CELSR1: variants seen among roughly 807,000 people sequenced by gnomAD.
CELSR1 encodes the protein cadherin EGF LAG seven-pass G-type receptor 1.
In CELSR1, 110 loss-of-function variants were observed where a neutral mutation model predicts 249.1. The ratio of observed to expected loss-of-function variants is 0.44; its 90% CI spans 0.38 to 0.52. The LOEUF (loss-of-function observed/expected upper bound fraction) is 0.52. Ranked by LOEUF, CELSR1 falls within the 20% of genes least tolerant of loss-of-function variation. The pLI, the probability that CELSR1 is intolerant of heterozygous loss-of-function variation, is 0.00. For missense variants in CELSR1, 4,109 were observed against 4,296.4 expected (o/e 0.96, Z 1.22); for synonymous variants, 2,113 against 1,900.0 (o/e 1.11, Z -2.92).
At chr22:46,452,220 G>A (rs1286838284) in intron 2 of CELSR1, among the ~76,000 whole-genome samples, 1 of 152,102 alleles carries the variant, frequency 6.6e-6, no homozygotes, top group Admixed American at 6.5e-5. Context: ...CCTCTTCCAG[G>A]GTCAATCTCC....
chr22:46,393,777 G>C lies in CELSR1; in HGVS notation c.5964+365C>G, dbSNP rs1291450350. On this transcript the variant is annotated intron_variant, in intron 14 of 34. Coordinates refer to ENST00000674500, the MANE Select transcript of CELSR1 (RefSeq NM_001378328.1). This position sits in a 1 kb window ranked among gnomAD's most constrained non-coding sequence, Gnocchi z 4.1. ...AAAGACCAGGAAAATGGCCAACCAG[G>C]AGGCCAGGAGGGCCGGGGTGGTGCC... Among the ~76,000 whole-genome samples the C allele has an allele frequency of 6.6e-6, 1 of 152,080 alleles. No individual in the cohort carries two copies. The highest frequency in any genetic ancestry group is 2.4e-5 in the African/African-American group (1 of 41,416).
intron 2 of CELSR1, among the ~76,000 whole-genome samples, chr22:46,451,865 C>A (rs553390179): frequency 1.3e-5 from 2 of 152,296 alleles, no homozygotes; most frequent in African/African-American, 4.8e-5. Flanking sequence ...ATCCGATTAG[C>A]AGGTGGGCTC....
intron 1 of CELSR1, among the ~76,000 whole-genome samples, chr22:46,524,133 C>G (rs758844025): frequency 3.3e-5 from 5 of 152,226 alleles, no homozygotes; most frequent in Non-Finnish European, 4.4e-5. Flanking sequence ...ACACAGACCC[C>G]AGAGTCTGCG....
In CELSR1 at chr22:46,372,832, G is replaced by A. The variant is rs373403067; in HGVS notation, c.7759+51C>T. On this transcript the variant is annotated intron_variant, in intron 25 of 34. Transcript: ENST00000674500. Reference sequence around the variant, plus strand: ...GAGGGCAGCGTTCCTGCACAGCTGGGGTCTGTTGGAAATCTGTGGTTTTAT... The same window carrying A: ...GAGGGCAGCGTTCCTGCACAGCTGGAGTCTGTTGGAAATCTGTGGTTTTAT... 2.6e-5 allele frequency: 41 copies of A among 1,550,366 alleles called. No individual in the cohort carries two copies. The African/African-American group carries it at 5.1e-4, about 19-fold the overall frequency.
chr22:46,483,937 T>C (rs567751048), intron 1 of CELSR1, among the ~76,000 whole-genome samples: 8 of 152,274 alleles, frequency 5.3e-5, no homozygotes, highest in African/African-American at 1.9e-4. Context: ...TTTGTACCTA[T>C]TTAAGAGCAA....
intron 1 of CELSR1, among the ~76,000 whole-genome samples, chr22:46,493,424 T>C: frequency 6.6e-6 from 1 of 151,564 alleles, no homozygotes; most frequent in Non-Finnish European, 1.5e-5. Context: ...TGGGCACCTG[T>C]AATCCCAGCT....
Position 46,536,409 on chromosome 22 carries a change from C to T in CELSR1, c.762G>A (p.Leu254=), listed in dbSNP as rs146846283. 148 of 1,612,436 alleles carry T rather than the reference C, an allele frequency of 9.2e-5. 1 individual carries two copies. In the African/African-American group the frequency reaches 1.6e-3, roughly 17 times the overall value. The change falls in exon 1 of 35, where the codon TTG becomes TTA. Residue 254 remains leucine, a synonymous_variant. Coordinates refer to ENST00000674500, the MANE Select transcript of CELSR1 (RefSeq NM_001378328.1). Reference sequence around the variant, plus strand: ...GGGTGCCCGCCGGTTCGTTCTCAAACAACGCCACCTGGTAGTTGGGCATCG... The same window carrying T: ...GGGTGCCCGCCGGTTCGTTCTCAAATAACGCCACCTGGTAGTTGGGCATCG... The part of the protein sequence containing the change: ...KFPMPNYQVA[L]FENEPAGTLI...
chr22:46,462,273 C>T (rs2080038423), intron 2 of CELSR1, among the ~76,000 whole-genome samples: 3 of 152,210 alleles, frequency 2.0e-5, no homozygotes, highest in Admixed American at 6.5e-5. Flanking sequence ...GACCACACTG[C>T]CTTCCTTCCA....
At position 46,518,709 on chromosome 22, in the gene CELSR1, T is replaced by C. The variant is rs1043342949; in HGVS notation, c.3544+14918A>G. Among the ~76,000 whole-genome samples, 8 of 152,270 alleles carry C rather than the reference T, an allele frequency of 5.3e-5. No homozygotes were observed. Among genetic ancestry groups the C allele is most frequent in the Admixed American group, 3.9e-4 (6 of 15,298 alleles). On this transcript the variant is annotated intron_variant, in intron 1 of 34. Coordinates refer to ENST00000674500, the MANE Select transcript of CELSR1 (RefSeq NM_001378328.1). This position sits in a 1 kb window ranked among gnomAD's most constrained non-coding sequence, Gnocchi z 5.2. ...CCATCTTCACGTTGTGGCCTCCTCA[T>C]TGTGTGTCTGTCTCTGTCTTCTCTC...
Position 46,409,729 on chromosome 22 carries a change from G to C in CELSR1, c.5059+26C>G. 1 of 1,610,752 alleles carries C rather than the reference G, an allele frequency of 6.2e-7. No homozygotes were observed. Among genetic ancestry groups the C allele is most frequent in the Non-Finnish European group, 8.5e-7 (1 of 1,179,908 alleles). ...ATGCCTCCCAGGCCGCCGTGACCGG[G>C]GGGATGGACGACGCCGGCCACTCAC... On this transcript the variant is annotated intron_variant, in intron 8 of 34. Transcript: ENST00000674500. The surrounding 1 kb of genome is among the most constrained non-coding windows in gnomAD (Gnocchi z 9.8).
At chr22:46,405,660 G>C (rs1440578333) in intron 9 of CELSR1, among the ~76,000 whole-genome samples, 2 of 152,096 alleles carry the variant, frequency 1.3e-5, no homozygotes, top group Admixed American at 6.5e-5. Flanking sequence ...GCAATCTCAA[G>C]GTTATCCCAC....
At position 46,406,999 on chromosome 22, in the gene CELSR1, G is replaced by A. The variant is rs921434801; in HGVS notation, c.5226+1997C>T. 4.6e-5 allele frequency among the ~76,000 whole-genome samples: 7 copies of A among 152,224 alleles called. No homozygotes were observed. Among genetic ancestry groups the A allele is most frequent in the Admixed American group, 2.6e-4 (4 of 15,288 alleles). On this transcript the variant is annotated intron_variant, in intron 9 of 34. Coordinates refer to ENST00000674500, the MANE Select transcript of CELSR1 (RefSeq NM_001378328.1). The surrounding 1 kb of genome is among the most constrained non-coding windows in gnomAD (Gnocchi z 5.4). ...CTTTGGGAGGGACTTCCTGACCGCA[G>A]GAGCGGGGAGGGGGGGTCATCCTGG... is the stretch of plus-strand genomic sequence containing the variant.
chr22:46,485,629 T>C (rs568037858), intron 1 of CELSR1, among the ~76,000 whole-genome samples: 1 of 152,296 alleles, frequency 6.6e-6, no homozygotes, highest in East Asian at 1.9e-4. Flanking sequence ...CAAAAGCTCA[T>C]CTCCAAGACA....
Position 46,395,786 on chromosome 22 carries a change from T to A in CELSR1, c.5843+819A>T, listed in dbSNP as rs1423865469. Among the ~76,000 whole-genome samples the A allele has an allele frequency of 6.6e-6, 1 of 152,176 alleles. No individual in the cohort carries two copies. The highest frequency in any genetic ancestry group is 1.5e-5 in the Non-Finnish European group (1 of 68,034). ...CACGGCGGCCTGGAACCTTGGTTTATGAAGAACCCAGCAGCTCCACCTTGG... is the reference window on the plus strand; with the variant it reads ...CACGGCGGCCTGGAACCTTGGTTTAAGAAGAACCCAGCAGCTCCACCTTGG... On this transcript the variant is annotated intron_variant, in intron 13 of 34. Transcript: ENST00000674500. This position sits in a 1 kb window ranked among gnomAD's most constrained non-coding sequence, Gnocchi z 5.5.
At chr22:46,421,836 G>A (rs1449399767) in intron 5 of CELSR1, among the ~76,000 whole-genome samples, 2 of 152,242 alleles carry the variant, frequency 1.3e-5, no homozygotes, top group East Asian at 1.9e-4. Flanking sequence ...ACCTGCTGGG[G>A]CTGGAGAAGC....
At chr22:46,403,971 C>CAAAAAAAAAAAAAA (rs756055741) in intron 9 of CELSR1, among the ~76,000 whole-genome samples, 2 of 48,422 alleles carry the variant, frequency 4.1e-5, no homozygotes, top group African/African-American at 1.3e-4. Flanking sequence ...AACTCCGTCT[C>CAAAAAAAAAAAAAA]AAAAAAAAAA....
chr22:46,382,305 T>C (rs1297193083), intron 20 of CELSR1, among the ~76,000 whole-genome samples: 2 of 151,862 alleles, frequency 1.3e-5, no homozygotes, highest in Non-Finnish European at 1.5e-5. Flanking sequence ...TGAGACAGAG[T>C]CTTGCTCTGT....
At chr22:46,514,074 C>T (rs564857142) in intron 1 of CELSR1, among the ~76,000 whole-genome samples, 205 of 152,162 alleles carry the variant, frequency 1.3e-3, no homozygotes, top group African/African-American at 4.7e-3. Flanking sequence ...ATTACAGGCA[C>T]GAGCCACCGC....
chr22:46,475,752 C>A (rs1378716172), intron 1 of CELSR1, among the ~76,000 whole-genome samples: 1 of 152,112 alleles, frequency 6.6e-6, no homozygotes, highest in African/African-American at 2.4e-5. Flanking sequence ...ATGGTAAAAT[C>A]ACATAATCTT....
Sources: gnomAD v4.1 joint callset for allele counts (sites outside exome capture counted in the v4.1 genomes callset) on GRCh38, gnomAD v4.1.1 for gene constraint, Gnocchi (gnomAD v3.1) non-coding constraint, MANE v1.5 for transcripts, NCBI Gene and HGNC (gene_info 2026-07-23, HGNC 2026-07-21) for gene names.